The following RAPGEF6 variants were observed in gnomAD, a reference collection of about 807,000 sequenced individuals.
RAPGEF6 encodes the protein Rap guanine nucleotide exchange factor 6.
Under a neutral mutation model 171.4 loss-of-function variants are expected in RAPGEF6, and 56 were observed. The ratio of observed to expected loss-of-function variants is 0.33; its 90% confidence interval spans 0.26 to 0.41. The LOEUF is 0.41. RAPGEF6 is among the 10% of genes least tolerant of loss of function. RAPGEF6 has a pLI of 1.00. For synonymous variants in RAPGEF6, 692 were observed against 650.1 expected, an observed-to-expected ratio of 1.06 and a Z score of -0.98; for missense variants, 1,674 against 1,921.4, an observed-to-expected ratio of 0.87 and a Z score of 2.41.
At chr5:131,435,511 C>T (rs1366353652) in intron 24 of RAPGEF6, among the ~76,000 whole-genome samples, 1 of 152,090 alleles carries the variant, frequency 6.6e-6, no homozygotes, top group Non-Finnish European at 1.5e-5. Flanking sequence ...TACTAAGAAC[C>T]ACCTGGCAAG....
At chr5:131,436,935 G>A (rs1380760086) in intron 24 of RAPGEF6, among the ~76,000 whole-genome samples, 1 of 152,066 alleles carries the variant, frequency 6.6e-6, no homozygotes, top group South Asian at 2.1e-4. Flanking sequence ...TAAAGTTCTT[G>A]TTTAAACTAT....
intron 1 of RAPGEF6, among the ~76,000 whole-genome samples, chr5:131,607,147 A>G (rs549270912): frequency 1.3e-5 from 2 of 152,334 alleles, no homozygotes; most frequent in Admixed American, 1.3e-4. Flanking sequence ...AAGCCGTCAC[A>G]ATGGAAAAAG....
chr5:131,519,244 G>A (rs971937414), intron 7 of RAPGEF6, among the ~76,000 whole-genome samples: 1 of 152,188 alleles, frequency 6.6e-6, no homozygotes, highest in Non-Finnish European at 1.5e-5. Flanking sequence ...AGCTCCTGTA[G>A]TATCTTTGCA....
At chr5:131,617,260 T>C (rs1022134452) in intron 1 of RAPGEF6, among the ~76,000 whole-genome samples, 3 of 150,496 alleles carry the variant, frequency 2.0e-5, no homozygotes, top group African/African-American at 7.4e-5. Context: ...ATCTGGGCAA[T>C]GTGGAGATAC....
At chr5:131,554,534 T>G (rs1450087095) in intron 5 of RAPGEF6, among the ~76,000 whole-genome samples, 1 of 152,238 alleles carries the variant, frequency 6.6e-6, no homozygotes, top group African/African-American at 2.4e-5. Context: ...GGTTTTCTTT[T>G]TTTGAGACAT....
chr5:131,544,925 C>T (rs34337253), intron 6 of RAPGEF6, among the ~76,000 whole-genome samples: 3,171 of 152,238 alleles, frequency 0.021, 44 homozygotes, highest in Middle Eastern at 0.044. Flanking sequence ...TCAAGTGATC[C>T]GCCTGCCTCG....
chr5:131,452,973 T>C (rs1037700063), intron 21 of RAPGEF6, 81 bp downstream of exon 21: 1 of 1,488,846 alleles, frequency 6.7e-7, no homozygotes, highest in African/African-American at 1.4e-5. Context: ...AGAATAAATA[T>C]GATCAATAAA....
At chr5:131,500,271 T>C (rs1245863529) in intron 11 of RAPGEF6, among the ~76,000 whole-genome samples, 1 of 152,198 alleles carries the variant, frequency 6.6e-6, no homozygotes, top group Non-Finnish European at 1.5e-5. Context: ...CCTTAAGAGA[T>C]AAGAAAATCA....
chr5:131,518,831 CTTAT>C (rs1280060531), intron 7 of RAPGEF6, among the ~76,000 whole-genome samples: 1 of 151,914 alleles, frequency 6.6e-6, no homozygotes, highest in Admixed American at 6.6e-5. Context: ...AGAGTTTTAT[CTTAT>C]TTATTTTATC....
rs189872586 is a variant in RAPGEF6 at position 131,462,161 on chromosome 5, G to A, written c.2481-73C>T. 5,131 of 1,163,978 alleles carry A rather than the reference G, an allele frequency of 4.4e-3. 28 individuals are homozygous for A. Among genetic ancestry groups the A allele is most frequent in the South Asian group, 6.0e-3 (230 of 38,034 alleles). 72.1% of individuals were successfully genotyped at this position (1,163,978 alleles called of 1,614,324 possible). A position where few individuals can be genotyped will look rare whatever the true frequency, so the allele number is the denominator to read the frequency against. On this transcript the variant is annotated intron_variant, in intron 18 of 27. Coordinates refer to ENST00000509018, the MANE Select transcript of RAPGEF6 (RefSeq NM_016340.6). ...AATAAGAGCACTTTTCCTTTTTGTC[G>A]TTGTAAAATATCATTTTACTGTTAA...
At chr5:131,472,824 G>T in intron 16 of RAPGEF6, 80 bp from the exon 17 acceptor site, 1 of 1,228,900 alleles carries the variant, frequency 8.1e-7, no homozygotes, top group Non-Finnish European at 1.1e-6. Flanking sequence ...TGTGCACTAA[G>T]GCATAAAAGA....
At position 131,528,155 on chromosome 5, in the gene RAPGEF6, TA is replaced by T. The variant is rs11410156; in HGVS notation, c.496-6635del. ...TATATAATATATACTATATATAATATAAAATATATATTACATATAAATTTAT... is the reference window on the plus strand; with the variant it reads ...TATATAATATATACTATATATAATATAAATATATATTACATATAAATTTAT... On this transcript the variant is annotated intron_variant, in intron 6 of 27. Transcript: ENST00000509018. Among the ~76,000 whole-genome samples the T allele has an allele frequency of 5.7e-5, 7 of 123,600 alleles. No individual in the cohort carries two copies. The East Asian group carries it at 6.2e-4, about 11-fold the overall frequency. 81.1% of individuals were successfully genotyped at this position (123,600 alleles called of 152,430 possible).
chr5:131,513,013 G>T (rs1757841233), intron 7 of RAPGEF6, among the ~76,000 whole-genome samples: 1 of 152,154 alleles, frequency 6.6e-6, no homozygotes, highest in Non-Finnish European at 1.5e-5. Context: ...AGCCTGAATG[G>T]ACTAAGACAG....
rs1169244514 is a variant in RAPGEF6 at position 131,429,128 on chromosome 5, G to A, written c.4554C>T (p.Asp1518=). 3 of 1,613,614 alleles carry A rather than the reference G, an allele frequency of 1.9e-6. No homozygotes were observed. The highest frequency in any genetic ancestry group is 1.7e-4 in the Middle Eastern group (1 of 6,060). Residue 1518 remains aspartate, a synonymous_variant, in exon 27 of 28, where the codon GAC becomes GAT. Coordinates refer to ENST00000509018, the MANE Select transcript of RAPGEF6 (RefSeq NM_016340.6). The part of the protein sequence containing the change: ...PPGYLGISLA[D]LKEGPHTHLK... The stretch of plus-strand genomic sequence containing the variant: ...GGTGTGTGTGGGGTCCTTCCTTTAG[G>A]TCCGCTAAAGAAATCCCCAAATATC...
At position 131,424,182 on chromosome 5, in the gene RAPGEF6, AG is replaced by A. The variant is rs1283786733; in HGVS notation, c.*3083del. 6.6e-6 allele frequency: 1 copy of A among 152,344 alleles called. No homozygotes were observed. Among genetic ancestry groups the A allele is most frequent in the Non-Finnish European group, 1.5e-5 (1 of 68,032 alleles). 9.4% of individuals were successfully genotyped at this position (152,344 alleles called of 1,614,324 possible). A position where few individuals can be genotyped will look rare whatever the true frequency, so the allele number is the denominator to read the frequency against. Reference sequence around the variant, plus strand: ...TGCTATCTGATTATTACAGATGTGCAGTTTTGTTTCTGTCTTTTGCTGATTA... The same window carrying A: ...TGCTATCTGATTATTACAGATGTGCATTTTGTTTCTGTCTTTTGCTGATTA... On this transcript the variant is annotated 3_prime_UTR_variant, in exon 28 of 28. Coordinates refer to ENST00000509018, the MANE Select transcript of RAPGEF6 (RefSeq NM_016340.6).
chr5:131,610,925 C>T (rs1032872926), intron 1 of RAPGEF6, among the ~76,000 whole-genome samples: 1 of 152,142 alleles, frequency 6.6e-6, no homozygotes, highest in African/African-American at 2.4e-5. Flanking sequence ...GAACAAAATC[C>T]CTATTACGGG....
At chr5:131,629,504 A>G (rs1203528066) in intron 1 of RAPGEF6, among the ~76,000 whole-genome samples, 1 of 151,826 alleles carries the variant, frequency 6.6e-6, no homozygotes, top group African/African-American at 2.4e-5. Context: ...GCTGGCTCCC[A>G]GCACTTTGGG....
At chr5:131,617,528 C>T (rs1355145751) in intron 1 of RAPGEF6, among the ~76,000 whole-genome samples, 1 of 152,210 alleles carries the variant, frequency 6.6e-6, no homozygotes, top group Non-Finnish European at 1.5e-5. Context: ...TCTCAGCCCA[C>T]TGCAACCTCC....
intron 16 of RAPGEF6, among the ~76,000 whole-genome samples, 173 bp downstream of exon 16, chr5:131,479,340 A>G (rs774266255): frequency 3.9e-5 from 6 of 152,196 alleles, no homozygotes; most frequent in Non-Finnish European, 7.3e-5. Flanking sequence ...TAGTAACTTC[A>G]TGAAAGTGAT....
Sources: allele counts gnomAD v4.1 joint callset (sites outside exome capture counted in the v4.1 genomes callset), GRCh38; gene constraint gnomAD v4.1.1; transcripts MANE v1.5; gene names NCBI Gene and HGNC (gene_info 2026-07-23, HGNC 2026-07-21).